RNF169: variants seen among roughly 807,000 people sequenced by gnomAD.
The protein encoded by RNF169 is E3 ubiquitin-protein ligase RNF169.
A neutral mutation model predicts 53.9 loss-of-function variants in RNF169; 24 were observed. The ratio of observed to expected loss-of-function variants is 0.45; its 90% CI spans 0.32 to 0.63. The LOEUF is 0.63. RNF169 is among the 20% of genes least tolerant of loss of function. The pLI is 0.04. For synonymous variants in RNF169, 396 were observed against 363.5 expected, an observed-to-expected ratio of 1.09 and a Z score of -1.02; for missense variants, 883 against 906.2, an observed-to-expected ratio of 0.97 and a Z score of 0.33.
intron 1 of RNF169, among the ~76,000 whole-genome samples, chr11:74,767,528 A>G (rs1304162234): frequency 6.6e-6 from 1 of 151,908 alleles, no homozygotes; most frequent in African/African-American, 2.4e-5. Context: ...AGCTGGGACT[A>G]CAGGCACGGG....
At position 74,751,421 on chromosome 11, in the gene RNF169, G is replaced by A. The variant is rs147404556; in HGVS notation, c.502+2039G>A. ...TCACGATATAAGACAGTATTTCTCT[G>A]GTCTCCCTATTAGTACTACTGATTA... On this transcript the variant is annotated intron_variant, in intron 1 of 5. Transcript: ENST00000299563. 3.3e-5 allele frequency among the ~76,000 whole-genome samples: 5 copies of A among 152,216 alleles called. No individual in the cohort carries two copies. The East Asian group carries it at 9.6e-4, about 29-fold the overall frequency.
intron 4 of RNF169, among the ~76,000 whole-genome samples, chr11:74,822,227 G>C (rs149258222): frequency 1.6e-4 from 25 of 152,268 alleles, no homozygotes; most frequent in Non-Finnish European, 2.5e-4. Context: ...GCAAGCAATT[G>C]AGCGCATAAG....
chr11:74,834,678 A>C lies in RNF169; in HGVS notation c.845A>C (p.Lys282Thr), dbSNP rs781022858. The change falls in exon 5 of 6, where the codon AAG (lysine) becomes ACG (threonine). Residue 282 changes from lysine (K) to threonine (T), a missense_variant and splice_region_variant. Lys to Thr is a moderately conservative substitution (Grantham distance 78). Around this residue, in one of 3 missense-constraint regions of RNF169, gnomAD observed 219 missense variants for 289.1 expected, o/e 0.76. Coordinates refer to ENST00000299563, the MANE Select transcript of RNF169 (RefSeq NM_001098638.2). ...NSYSLAFLAG[K>T]LNSKVERSQS... is the part of the protein sequence containing the mutation. ...GTTTTTTATTTATTCTTTTTTAGGA[A>C]GCTAAACTCCAAGGTGGAAAGGAGT... The C allele has an allele frequency of 1.9e-6, 3 of 1,607,258 alleles. No individual in the cohort carries two copies. The highest frequency in any genetic ancestry group is 2.2e-5 in the East Asian group (1 of 44,826).
At chr11:74,764,668 A>T (rs2035144752) in intron 1 of RNF169, among the ~76,000 whole-genome samples, 1 of 152,242 alleles carries the variant, frequency 6.6e-6, no homozygotes, top group Non-Finnish European at 1.5e-5. Flanking sequence ...GTAGGATATA[A>T]GAAGTTGTGA....
At chr11:74,784,041 G>C (rs969943254) in intron 1 of RNF169, among the ~76,000 whole-genome samples, 3 of 152,008 alleles carry the variant, frequency 2.0e-5, no homozygotes, top group African/African-American at 7.3e-5. Flanking sequence ...TCTCATAATA[G>C]TCCAGGTAGA....
intron 2 of RNF169, among the ~76,000 whole-genome samples, chr11:74,795,350 GC>G (rs1363901448): frequency 6.6e-6 from 1 of 151,276 alleles, no homozygotes; most frequent in Non-Finnish European, 1.5e-5. Context: ...CTCCCAAGTA[GC>G]TGAGATTACA....
intron 1 of RNF169, among the ~76,000 whole-genome samples, chr11:74,763,997 C>A (rs1030742942): frequency 3.0e-4 from 45 of 152,156 alleles, no homozygotes; most frequent in African/African-American, 1.1e-3. Context: ...CAAGCGTGAG[C>A]CACTGCACCT....
chr11:74,752,228 TAAAA>T (rs11325931), intron 1 of RNF169, among the ~76,000 whole-genome samples: 4 of 78,740 alleles, frequency 5.1e-5, no homozygotes, highest in South Asian at 4.9e-4. Flanking sequence ...GAGACTGTCT[TAAAA>T]AAAAAAAAAA....
intron 1 of RNF169, among the ~76,000 whole-genome samples, chr11:74,775,933 GA>G (rs1245077688): frequency 1.3e-5 from 2 of 152,080 alleles, no homozygotes; most frequent in African/African-American, 2.4e-5. Flanking sequence ...CTTAATGAAG[GA>G]AAAATTCCTA....
chr11:74,840,150 C>T lies in RNF169; in HGVS notation c.*3420C>T, dbSNP rs1214542371. On this transcript the variant is annotated 3_prime_UTR_variant, in exon 6 of 6. Coordinates refer to ENST00000299563, the MANE Select transcript of RNF169 (RefSeq NM_001098638.2). ...TGTAGCTGATGACCGAAGGCTCATC[C>T]TTTCTTTTCTATTTGACAGACATTT... is the stretch of plus-strand genomic sequence containing the variant. 6.6e-6 allele frequency: 1 copy of T among 152,218 alleles called. No individual in the cohort carries two copies. The highest frequency in any genetic ancestry group is 1.5e-5 in the Non-Finnish European group (1 of 68,040). 9.4% of individuals were successfully genotyped at this position (152,218 alleles called of 1,614,324 possible).
chr11:74,780,755 T>A (rs1391044893), intron 1 of RNF169, among the ~76,000 whole-genome samples: 1 of 152,168 alleles, frequency 6.6e-6, no homozygotes, highest in East Asian at 1.9e-4. Flanking sequence ...AAGCTTGATT[T>A]AAAAAAATCT....
rs769014980 is a variant in RNF169, at chr11:74,842,318, T to C, written c.*5588T>C. On this transcript the variant is annotated 3_prime_UTR_variant, in exon 6 of 6. Coordinates refer to ENST00000299563, the MANE Select transcript of RNF169 (RefSeq NM_001098638.2). ...AATCAAGTGGGCTGATGTGTTGTTATTTAAACAGTACCAAAGTGCATTCTT... is the reference window on the plus strand; with the variant it reads ...AATCAAGTGGGCTGATGTGTTGTTACTTAAACAGTACCAAAGTGCATTCTT... The C allele has an allele frequency of 1.1e-4, 17 of 152,224 alleles. No homozygotes were observed. Among genetic ancestry groups the C allele is most frequent in the Non-Finnish European group, 2.2e-4 (15 of 68,038 alleles). The allele number at this position is 152,224 out of a possible 1,614,324, so 9.4% of individuals were successfully genotyped here. A position where few individuals can be genotyped will look rare whatever the true frequency, so the allele number is the denominator to read the frequency against.
chr11:74,787,658 A>G (rs2035523348), intron 1 of RNF169, among the ~76,000 whole-genome samples: 1 of 152,102 alleles, frequency 6.6e-6, no homozygotes, highest in South Asian at 2.1e-4. Context: ...AAAAAAGTGA[A>G]AAAGAGGTGT....
rs978001112 is a variant in RNF169 at position 74,759,990 on chromosome 11, C to T, written c.502+10608C>T. ...TTGATTATTGCCACAATTTCAGCTC[C>T]TGTTATTGGTCTATTCAGAGATTCA... On this transcript the variant is annotated intron_variant, in intron 1 of 5. Transcript: ENST00000299563. 5.0e-4 allele frequency among the ~76,000 whole-genome samples: 76 copies of T among 151,304 alleles called. 2 individuals are homozygous for T. Among genetic ancestry groups the T allele is most frequent in the African/African-American group, 1.8e-3 (75 of 40,816 alleles).
chr11:74,749,424 G>T, intron 1 of RNF169, 42 bp downstream of exon 1: 4 of 1,200,850 alleles, frequency 3.3e-6, no homozygotes, highest in East Asian at 6.4e-5. Context: ...GAGCGAGGCC[G>T]AGCGCGCCCC....
At position 74,839,191 on chromosome 11, in the gene RNF169, G is replaced by A. The variant is rs2036304247; in HGVS notation, c.*2461G>A. On this transcript the variant is annotated 3_prime_UTR_variant, in exon 6 of 6. Coordinates refer to ENST00000299563, the MANE Select transcript of RNF169 (RefSeq NM_001098638.2). Reference sequence around the variant, plus strand: ...TTGTACCTACAGTGATGCCTAGGATGGTATTGACAGTTGTTTTCTAAACTT... The same window carrying A: ...TTGTACCTACAGTGATGCCTAGGATAGTATTGACAGTTGTTTTCTAAACTT... 1 of 152,098 alleles carries A rather than the reference G, an allele frequency of 6.6e-6. No individual in the cohort carries two copies. Among genetic ancestry groups the A allele is most frequent in the South Asian group, 2.1e-4 (1 of 4,826 alleles). 9.4% of individuals were successfully genotyped at this position (152,098 alleles called of 1,614,324 possible).
At position 74,825,187 on chromosome 11, in the gene RNF169, A is replaced by G. The variant is rs764832385; in HGVS notation, c.842+7473A>G. 8.7e-4 allele frequency among the ~76,000 whole-genome samples: 133 copies of G among 152,236 alleles called. 1 individual carries two copies. Among genetic ancestry groups the G allele is most frequent in the African/African-American group, 3.1e-3 (129 of 41,458 alleles). ...TCAAGTGCACATGGAACATTCTCCA[A>G]TATAGACTGTATGTTAGACCATAAA... On this transcript the variant is annotated intron_variant, in intron 4 of 5. Coordinates refer to ENST00000299563, the MANE Select transcript of RNF169 (RefSeq NM_001098638.2).
At chr11:74,761,485 G>T (rs1258873829) in intron 1 of RNF169, among the ~76,000 whole-genome samples, 5 of 148,712 alleles carry the variant, frequency 3.4e-5, no homozygotes, top group Non-Finnish European at 7.5e-5. Flanking sequence ...CTTCCTTCAG[G>T]AGCTCTTTTA....
In RNF169 at chr11:74,835,658, G is replaced by C. The variant is rs766172794; in HGVS notation, c.1055G>C (p.Ser352Thr). 1 of 1,614,108 alleles carries C rather than the reference G, an allele frequency of 6.2e-7. No individual in the cohort carries two copies. The highest frequency in any genetic ancestry group is 8.5e-7 in the Non-Finnish European group (1 of 1,180,018). ...DLTIEKRLPF[S>T]SLSSLASLHK... ...ACCATCGAAAAGCGTCTACCCTTCA[G>C]CTCCCTTTCATCCTTGGCTTCCCTG... Residue 352 changes from serine (S) to threonine (T), a missense_variant, in exon 6 of 6, where the codon AGC becomes ACC. Coordinates refer to ENST00000299563, the MANE Select transcript of RNF169 (RefSeq NM_001098638.2).
Sources: gnomAD v4.1 joint callset for allele counts (sites outside exome capture counted in the v4.1 genomes callset) on GRCh38, gnomAD v4.1.1 for gene constraint, gnomAD v4.1.1 regional missense constraint, MANE v1.5 for transcripts, NCBI Gene and HGNC (gene_info 2026-07-23, HGNC 2026-07-21) for gene names.